Variants in CBX5 observed in about 807,000 individuals in gnomAD.
CBX5 encodes the protein chromobox protein homolog 5.
A neutral mutation model predicts 20.7 loss-of-function variants in CBX5; 7 were observed. That is an observed-to-expected ratio of 0.34 (90% CI 0.19 to 0.63). The LOEUF (loss-of-function observed/expected upper bound fraction) is 0.63, where lower values mean the gene tolerates loss of function less well. Among genes scored for constraint, CBX5 ranks in the 30% least tolerant of loss-of-function variants. The pLI, the probability that CBX5 is intolerant of heterozygous loss-of-function variation, is 0.75. For missense variants in CBX5, 110 were observed against 224.1 expected, an observed-to-expected ratio of 0.49 and a Z score of 3.25; for synonymous variants, 78 against 77.0, an observed-to-expected ratio of 1.01 and a Z score of -0.07.
chr12:54,234,006 CCT>C lies in CBX5; in HGVS notation c.*7747_*7748del, dbSNP rs1943594495. The C allele has an allele frequency of 6.6e-6, 1 of 151,426 alleles. No individual in the cohort carries two copies. The highest frequency in any genetic ancestry group is 1.5e-5 in the Non-Finnish European group (1 of 67,980). 9.4% of individuals were successfully genotyped at this position (151,426 alleles called of 1,614,324 possible). A position where few individuals can be genotyped will look rare whatever the true frequency, so the allele number is the denominator to read the frequency against. On this transcript the variant is annotated 3_prime_UTR_variant, in exon 5 of 5. Coordinates refer to ENST00000209875, the MANE Select transcript of CBX5 (RefSeq NM_012117.3). ...GACCAGCACGGCCAAGATGGTGAAC[CCT>C]GTCTCTACTAAAAATACAAAAATTA...
chr12:54,249,106 C>T (rs1270960880), intron 3 of CBX5, among the ~76,000 whole-genome samples: 3 of 152,152 alleles, frequency 2.0e-5, no homozygotes, highest in African/African-American at 7.2e-5. Context: ...TGTGGTGGCT[C>T]ATGCCTGTAA....
intron 1 of CBX5, among the ~76,000 whole-genome samples, chr12:54,277,743 G>A (rs567687703): frequency 6.6e-6 from 1 of 152,278 alleles, no homozygotes; most frequent in East Asian, 1.9e-4. Flanking sequence ...TTTACCAAAG[G>A]CCACTCCCTA....
At chr12:54,259,020 T>TA (rs1476930848) in intron 1 of CBX5, among the ~76,000 whole-genome samples, 3 of 152,156 alleles carry the variant, frequency 2.0e-5, no homozygotes, top group Non-Finnish European at 4.4e-5. Context: ...TCTGCCCACC[T>TA]AAAAAACTGC....
intron 1 of CBX5, chr12:54,279,041 C>T (rs1252730590): frequency 1.3e-5 from 2 of 152,122 alleles, no homozygotes; most frequent in Non-Finnish European, 2.9e-5. Context: ...AATTATTAAC[C>T]TTGCAAAGTT....
chr12:54,255,552 C>T (rs1240129080), intron 2 of CBX5: 1 of 107,694 alleles, frequency 9.3e-6, no homozygotes, highest in Non-Finnish European at 1.7e-5. Flanking sequence ...GTGAGAGACT[C>T]TGTCTCAAAA....
In CBX5 at chr12:54,240,086, T is replaced by C. The variant is rs1469773436; in HGVS notation, c.*1669A>G. On this transcript the variant is annotated 3_prime_UTR_variant, in exon 5 of 5. Coordinates refer to ENST00000209875, the MANE Select transcript of CBX5 (RefSeq NM_012117.3). ...CTGGTGCGCTCTAGAATTAAGGCTA[T>C]ATTAAGCATTTATTCTTATTTCCTC... The C allele has an allele frequency of 6.6e-6, 1 of 152,254 alleles. No homozygotes were observed. Among genetic ancestry groups the C allele is most frequent in the African/African-American group, 2.4e-5 (1 of 41,466 alleles). The allele number at this position is 152,254 out of a possible 1,614,324, so 9.4% of individuals were successfully genotyped here.
At chr12:54,278,158 G>A (rs898495361) in intron 1 of CBX5, among the ~76,000 whole-genome samples, 4 of 152,182 alleles carry the variant, frequency 2.6e-5, no homozygotes, top group African/African-American at 9.7e-5. Flanking sequence ...GCATACAGTG[G>A]GTAGAGGCCA....
At chr12:54,247,840 A>C (rs1400216918) in intron 3 of CBX5, among the ~76,000 whole-genome samples, 4 of 137,830 alleles carry the variant, frequency 2.9e-5, no homozygotes, top group African/African-American at 1.1e-4. Context: ...CCCCTGGCTA[A>C]TTTTTTTTTT....
At chr12:54,271,995 C>T (rs150876333) in intron 1 of CBX5, 28 of 152,314 alleles carry the variant, frequency 1.8e-4, no homozygotes, top group African/African-American at 6.7e-4. Context: ...ATATTACCCT[C>T]CACAACTCCC....
intron 3 of CBX5, among the ~76,000 whole-genome samples, chr12:54,249,707 G>A (rs895057071): frequency 6.6e-6 from 1 of 152,016 alleles, no homozygotes; most frequent in Non-Finnish European, 1.5e-5. Context: ...GTATTTATGC[G>A]CCCACACACA....
Position 54,241,801 on chromosome 12 carries a change from T to A in CBX5, c.530A>T (p.Tyr177Phe). Residue 177 changes from tyrosine (Y) to phenylalanine (F), a missense_variant, in exon 5 of 5, where the codon TAT (tyrosine) becomes TTT (phenylalanine). Tyr to Phe is a conservative substitution (Grantham distance 22). Transcript: ENST00000209875. ...CTCTTTGTTTTCCGCATCCTCAGGA[T>A]ATGCATGCCATGTCAGTCTCTCTTC... ...FYEERLTWHA[Y>F]PEDAENKEKE... The A allele has an allele frequency of 1.9e-6, 3 of 1,613,496 alleles. No homozygotes were observed. Among genetic ancestry groups the A allele is most frequent in the Non-Finnish European group, 2.5e-6 (3 of 1,179,910 alleles).
intron 1 of CBX5, among the ~76,000 whole-genome samples, chr12:54,277,955 A>AC (rs1466241219): frequency 1.3e-4 from 20 of 152,264 alleles, no homozygotes; most frequent in African/African-American, 4.3e-4. Context: ...CAAGCCTCCT[A>AC]CCTCAGCCTC....
chr12:54,242,980 T>C (rs1943694002), intron 4 of CBX5, among the ~76,000 whole-genome samples: 1 of 151,566 alleles, frequency 6.6e-6, no homozygotes, highest in Non-Finnish European at 1.5e-5. Context: ...AAAAATCAGC[T>C]AGGCATGGTG....
chr12:54,265,656 T>C (rs1030325581), intron 1 of CBX5, among the ~76,000 whole-genome samples: 1 of 152,198 alleles, frequency 6.6e-6, no homozygotes. Context: ...GAGCCACATA[T>C]AGACAACACA....
intron 1 of CBX5, among the ~76,000 whole-genome samples, chr12:54,263,336 G>C (rs1345755242): frequency 6.6e-6 from 1 of 151,816 alleles, no homozygotes; most frequent in African/African-American, 2.4e-5. Context: ...ACTCCAGCCT[G>C]GACAACAAGG....
intron 1 of CBX5, among the ~76,000 whole-genome samples, chr12:54,261,851 C>G (rs1021480599): frequency 3.3e-5 from 5 of 152,230 alleles, no homozygotes; most frequent in African/African-American, 1.2e-4. Context: ...CTACGTACCT[C>G]CGAGGGAAAA....
rs528892383 is a variant in CBX5 at position 54,236,299 on chromosome 12, C to T, written c.*5456G>A. On this transcript the variant is annotated 3_prime_UTR_variant, in exon 5 of 5. Transcript: ENST00000209875. ...AACTATTAATGGTCAGTTCATCATA[C>T]ACCAGTATGAAAGTTATTTGAGGGC... 2.0e-5 allele frequency: 3 copies of T among 151,890 alleles called. No individual in the cohort carries two copies. In the East Asian group the frequency reaches 5.8e-4, roughly 29 times the overall value. 9.4% of individuals were successfully genotyped at this position (151,890 alleles called of 1,614,324 possible). A position where few individuals can be genotyped will look rare whatever the true frequency, so the allele number is the denominator to read the frequency against.
rs1382396131 is a variant in CBX5 at position 54,241,088 on chromosome 12, A to C, written c.*667T>G. ...AAGCAATACCGAAAGTCCTGGGGCTAAAAAGAGTGTCTTGACAGATTTCAG... is the reference window on the plus strand; with the variant it reads ...AAGCAATACCGAAAGTCCTGGGGCTCAAAAGAGTGTCTTGACAGATTTCAG... On this transcript the variant is annotated 3_prime_UTR_variant, in exon 5 of 5. Coordinates refer to ENST00000209875, the MANE Select transcript of CBX5 (RefSeq NM_012117.3). The C allele has an allele frequency of 6.6e-6, 1 of 152,154 alleles. No individual in the cohort carries two copies. Among genetic ancestry groups the C allele is most frequent in the Non-Finnish European group, 1.5e-5 (1 of 68,028 alleles). The allele number at this position is 152,154 out of a possible 1,614,324, so 9.4% of individuals were successfully genotyped here.
chr12:54,251,686 A>T (rs1482047915), intron 3 of CBX5, among the ~76,000 whole-genome samples: 1 of 152,140 alleles, frequency 6.6e-6, no homozygotes, highest in Non-Finnish European at 1.5e-5. Context: ...CTCTGTCTCA[A>T]AACAAAACAA....
Sources: allele counts gnomAD v4.1 joint callset (sites outside exome capture counted in the v4.1 genomes callset), GRCh38; gene constraint gnomAD v4.1.1; transcripts MANE v1.5; gene names NCBI Gene and HGNC (gene_info 2026-07-23, HGNC 2026-07-21).